ERBB4: variants seen among roughly 807,000 people sequenced by gnomAD.
ERBB4 encodes receptor tyrosine-protein kinase erbB-4.
ERBB4 carries 42 observed loss-of-function variants against 158.0 expected under a neutral mutation model. The observed-to-expected ratio is 0.27, with a 90% confidence interval of 0.21 to 0.34. ERBB4 has a LOEUF of 0.34. Ranked by LOEUF, ERBB4 falls within the 10% of genes least tolerant of loss-of-function variation. The probability of loss-of-function intolerance (pLI) is 1.00; values close to 1 mark genes in which losing one functional copy is unlikely to be tolerated. For missense variants in ERBB4, 1,333 were observed against 1,624.1 expected (o/e 0.82, Z 3.08); for synonymous variants, 583 against 558.7 (o/e 1.04, Z -0.61).
intron 2 of ERBB4, among the ~76,000 whole-genome samples, chr2:212,016,161 CT>C (rs879889039): frequency 3.4e-4 from 50 of 145,086 alleles, no homozygotes; most frequent in South Asian, 8.8e-4. Flanking sequence ...TATATTTTAA[CT>C]TTTTTTTTTT....
intron 2 of ERBB4, among the ~76,000 whole-genome samples, chr2:212,095,868 G>A (rs867207213): frequency 6.7e-6 from 1 of 150,248 alleles, no homozygotes; most frequent in African/African-American, 2.4e-5. Flanking sequence ...CTGGGAGGCG[G>A]AGCTTGCAGT....
At chr2:211,512,146 T>C (rs989845038) in intron 20 of ERBB4, among the ~76,000 whole-genome samples, 9 of 152,170 alleles carry the variant, frequency 5.9e-5, no homozygotes, top group African/African-American at 2.2e-4. Flanking sequence ...AATTTGGAAC[T>C]TTCACTGACT....
chr2:212,415,868 G>C (rs1377899783), intron 1 of ERBB4, among the ~76,000 whole-genome samples: 1 of 152,058 alleles, frequency 6.6e-6, no homozygotes, highest in Non-Finnish European at 1.5e-5. Flanking sequence ...AACATCCAAC[G>C]AATAGAAAGT....
At chr2:212,355,618 A>T (rs978007087) in intron 1 of ERBB4, among the ~76,000 whole-genome samples, 4 of 152,078 alleles carry the variant, frequency 2.6e-5, no homozygotes, top group Non-Finnish European at 5.9e-5. Context: ...CATAAAAGAC[A>T]TTTTAAAACC....
At chr2:211,776,558 G>C (rs1231030143) in intron 4 of ERBB4, among the ~76,000 whole-genome samples, 2 of 152,148 alleles carry the variant, frequency 1.3e-5, no homozygotes, top group African/African-American at 2.4e-5. Context: ...AAACCTATCT[G>C]TTTATGAGGT....
At chr2:211,696,910 T>C (rs1384991260) in intron 12 of ERBB4, among the ~76,000 whole-genome samples, 1 of 152,166 alleles carries the variant, frequency 6.6e-6, no homozygotes, top group Non-Finnish European at 1.5e-5. Flanking sequence ...CCTCAGGTGA[T>C]CTGCCCACCT....
intron 1 of ERBB4, among the ~76,000 whole-genome samples, chr2:212,199,525 C>A (rs2082530201): frequency 6.6e-6 from 1 of 152,118 alleles, no homozygotes; most frequent in Non-Finnish European, 1.5e-5. Context: ...AGGAAGGAGA[C>A]TCTAAACCAA....
chr2:212,295,147 A>T lies in ERBB4; in HGVS notation c.83-170244T>A, dbSNP rs953728099. Among the ~76,000 whole-genome samples, 4 of 152,116 alleles carry T rather than the reference A, an allele frequency of 2.6e-5. 1 individual carries two copies. The highest frequency in any genetic ancestry group is 4.1e-4 in the South Asian group (2 of 4,838). ...CACAAGCAGGTCTTGCAAGTTGTCA[A>T]TTAAAAGTCTGATATATTGATGTCC... On this transcript the variant is annotated intron_variant, in intron 1 of 27. Transcript: ENST00000342788.
intron 1 of ERBB4, among the ~76,000 whole-genome samples, chr2:212,292,106 GA>G (rs1406018104): frequency 1.3e-5 from 2 of 151,780 alleles, no homozygotes; most frequent in Non-Finnish European, 2.9e-5. Context: ...CTGAAAAACT[GA>G]AACAATTTTT....
intron 4 of ERBB4, among the ~76,000 whole-genome samples, chr2:211,773,268 A>C (rs1423019756): frequency 6.6e-6 from 1 of 151,618 alleles, no homozygotes; most frequent in Non-Finnish European, 1.5e-5. Flanking sequence ...TGGTTAAGTT[A>C]TATGTAAAAG....
intron 1 of ERBB4, among the ~76,000 whole-genome samples, chr2:212,333,386 T>C (rs571116238): frequency 6.8e-4 from 103 of 151,178 alleles, no homozygotes; most frequent in African/African-American, 2.4e-3. Context: ...TAAATATATA[T>C]ATATATTTCA....
At chr2:212,084,361 C>T (rs543782469) in intron 2 of ERBB4, among the ~76,000 whole-genome samples, 6 of 152,038 alleles carry the variant, frequency 3.9e-5, no homozygotes, top group African/African-American at 1.4e-4. Context: ...CAAGCTATAA[C>T]GCGCAACACC....
chr2:212,312,902 A>G (rs1574657250), intron 1 of ERBB4, among the ~76,000 whole-genome samples: 1 of 150,864 alleles, frequency 6.6e-6, no homozygotes, highest in Non-Finnish European at 1.5e-5. Flanking sequence ...AAAAATCAGT[A>G]TATTTTTAAA....
At chr2:211,802,271 A>G (rs982289912) in intron 3 of ERBB4, among the ~76,000 whole-genome samples, 1 of 152,128 alleles carries the variant, frequency 6.6e-6, no homozygotes, top group Non-Finnish European at 1.5e-5. Flanking sequence ...ACAAAAAAAA[A>G]AAAACACAAA....
At chr2:211,958,907 ATTCTCTTAGGTGCCTTCTCTTAGGTGCC>A (rs148338053) in intron 2 of ERBB4, among the ~76,000 whole-genome samples, 4 of 151,838 alleles carry the variant, frequency 2.6e-5, no homozygotes, top group African/African-American at 9.7e-5. Flanking sequence ...CAAAATCAGC[ATTCTCTTAGGTGCCTTCTCTTAGGTGCC>A]TTCTCTTAGA....
At chr2:211,413,490 C>T (rs182175688) in intron 25 of ERBB4, among the ~76,000 whole-genome samples, 2 of 152,000 alleles carry the variant, frequency 1.3e-5, no homozygotes, top group Admixed American at 6.5e-5. Context: ...TCAAAGATAC[C>T]ACCATGTCAA....
chr2:211,446,434 G>A (rs1044375729), intron 20 of ERBB4, among the ~76,000 whole-genome samples: 8 of 152,082 alleles, frequency 5.3e-5, no homozygotes, highest in Admixed American at 3.3e-4. Context: ...AAATAACTTC[G>A]TAGAAATACA....
chr2:211,558,651 G>T (rs887484699), intron 20 of ERBB4, among the ~76,000 whole-genome samples: 3 of 151,808 alleles, frequency 2.0e-5, no homozygotes, highest in African/African-American at 7.3e-5. Flanking sequence ...TGAGAAACAA[G>T]AATTCAGAGG....
intron 3 of ERBB4, among the ~76,000 whole-genome samples, chr2:211,863,449 C>T (rs868670973): frequency 2.6e-5 from 4 of 152,214 alleles, no homozygotes; most frequent in East Asian, 1.9e-4. Flanking sequence ...CTTGCTATTG[C>T]TCACTTTTTG....
Sources: gnomAD v4.1 joint callset for allele counts (sites outside exome capture counted in the v4.1 genomes callset) on GRCh38, gnomAD v4.1.1 for gene constraint, MANE v1.5 for transcripts, NCBI Gene and HGNC (gene_info 2026-07-23, HGNC 2026-07-21) for gene names.